Variants in VPS36 observed in about 807,000 individuals in gnomAD.
The protein encoded by VPS36 is vacuolar protein-sorting-associated protein 36.
Under a neutral mutation model 63.5 loss-of-function variants are expected in VPS36, and 31 were observed. The ratio of observed to expected loss-of-function variants is 0.49; its 90% CI spans 0.37 to 0.66. VPS36 has a LOEUF of 0.66. VPS36 is among the 30% of genes least tolerant of loss of function. VPS36 has a pLI of 0.00. For missense variants in VPS36, 338 were observed against 463.7 expected (o/e 0.73, Z 2.49); for synonymous variants, 138 against 157.2 (o/e 0.88, Z 0.91).
rs1958066274 is a variant in VPS36 at position 52,423,579 on chromosome 13, T to C, written c.835A>G (p.Met279Val). The change falls in exon 10 of 14, where the codon ATG becomes GTG. Residue 279 changes from methionine (M) to valine (V), a missense_variant. By Grantham distance (21) the Met-to-Val change is conservative (BLOSUM62 1). Transcript: ENST00000378060. ...VYCLVNRARG[M>V]ELLSPEDLVN... is the part of the protein sequence containing the mutation. ...TTTAAATTTTCTATCCTTACTTCCATTCCTCGAGCTCGGTTTACTAAGCAG... is the reference window on the plus strand; with the variant it reads ...TTTAAATTTTCTATCCTTACTTCCACTCCTCGAGCTCGGTTTACTAAGCAG... The C allele has an allele frequency of 6.2e-7, 1 of 1,611,858 alleles. No individual in the cohort carries two copies. Among genetic ancestry groups the C allele is most frequent in the South Asian group, 1.1e-5 (1 of 90,950 alleles).
intron 1 of VPS36, among the ~76,000 whole-genome samples, chr13:52,442,995 C>T (rs1958296687): frequency 6.6e-6 from 1 of 152,114 alleles, no homozygotes; most frequent in South Asian, 2.1e-4. Context: ...GTATAACACT[C>T]ATAACATTTT....
chr13:52,450,074 G>A (rs904410325), intron 1 of VPS36: 1 of 988,022 alleles, frequency 1.0e-6, no homozygotes, highest in Non-Finnish European at 1.2e-6. Flanking sequence ...AAGGCGAAAC[G>A]GGGCTGTCCG....
chr13:52,446,028 A>G (rs1958338805), intron 1 of VPS36, among the ~76,000 whole-genome samples: 1 of 150,366 alleles, frequency 6.7e-6, no homozygotes, highest in Non-Finnish European at 1.5e-5. Context: ...AGGCAGGCAG[A>G]TCAAGAGGTC....
At chr13:52,427,116 C>G in intron 7 of VPS36, 50 bp from the exon 8 acceptor site, 2 of 1,603,784 alleles carry the variant, frequency 1.2e-6, no homozygotes, top group South Asian at 1.1e-5. Flanking sequence ...CCCAAAATGT[C>G]TGCTAACAAA....
chr13:52,418,034 A>C lies in VPS36; in HGVS notation c.863T>G (p.Val288Gly). Residue 288 changes from valine (V) to glycine (G), a missense_variant, in exon 11 of 14, where the codon GTG becomes GGG. Transcript: ENST00000378060. ...TGCTTCCAGCATCTTGCACGCATTC[A>C]CTAAATCTTCTGGTGAGAGCAACTA... ...GMELLSPEDL[V>G]NACKMLEALK... 1 of 1,612,274 alleles carries C rather than the reference A, an allele frequency of 6.2e-7. No homozygotes were observed. The highest frequency in any genetic ancestry group is 8.5e-7 in the Non-Finnish European group (1 of 1,179,280).
At chr13:52,443,608 G>T (rs1278792657) in intron 1 of VPS36, among the ~76,000 whole-genome samples, 1 of 152,168 alleles carries the variant, frequency 6.6e-6, no homozygotes, top group African/African-American at 2.4e-5. Context: ...AGAAATAAAT[G>T]CCTGTTGTTT....
intron 1 of VPS36, 192 bp downstream of exon 1, chr13:52,450,307 C>T: frequency 4.3e-6 from 5 of 1,170,770 alleles, no homozygotes; most frequent in Non-Finnish European, 5.3e-6. Context: ...AGCCGAGCGC[C>T]CCACGCCACG....
At chr13:52,430,146 TC>T (rs1958140810) in intron 6 of VPS36, among the ~76,000 whole-genome samples, 1 of 151,972 alleles carries the variant, frequency 6.6e-6, no homozygotes, top group Non-Finnish European at 1.5e-5. Context: ...AGAAATAAAG[TC>T]TACACTAGAC....
intron 6 of VPS36, among the ~76,000 whole-genome samples, chr13:52,432,059 A>T (rs1249458388): frequency 6.6e-6 from 1 of 151,902 alleles, no homozygotes; most frequent in East Asian, 2.0e-4. Context: ...GTTAAAAAAA[A>T]CCTAATTAGT....
At chr13:52,441,998 A>G (rs1320473566) in intron 2 of VPS36, among the ~76,000 whole-genome samples, 1 of 152,210 alleles carries the variant, frequency 6.6e-6, no homozygotes, top group East Asian at 1.9e-4. Context: ...TAGTATTTAA[A>G]AAACATGATT....
intron 5 of VPS36, 95 bp from the exon 6 acceptor site, chr13:52,433,843 A>T (rs753038339): frequency 3.7e-6 from 4 of 1,079,562 alleles, no homozygotes; most frequent in Non-Finnish European, 5.4e-6. Context: ...ATGGCGGGAA[A>T]GGACCTACAA....
chr13:52,425,773 T>TA (rs972251989), intron 9 of VPS36, 159 bp downstream of exon 9: 8 of 663,476 alleles, frequency 1.2e-5, no homozygotes, highest in Non-Finnish European at 1.8e-5. Context: ...CAAAGAATAA[T>TA]AAGCACAATG....
At chr13:52,443,805 T>C (rs1324438435) in intron 1 of VPS36, among the ~76,000 whole-genome samples, 1 of 152,202 alleles carries the variant, frequency 6.6e-6, no homozygotes, top group Non-Finnish European at 1.5e-5. Context: ...TATTATGCCC[T>C]GAAAGTTACA....
chr13:52,434,877 G>C lies in VPS36; in HGVS notation c.357C>G (p.Tyr119Ter). ...SFKEHGQIEFYRRLSEEMTQR... is the reference protein window; with the variant it reads ...SFKEHGQIEF The stretch of plus-strand genomic sequence containing the variant: ...GTGTCATTTCCTCTGATAAACGCCT[G>C]TAAAACTGATACGCAAATAAATACA... The change falls in exon 5 of 14, where the codon TAC becomes TAG. Residue 119 changes from tyrosine (Y) to a stop codon, truncating the protein, a stop_gained. Transcript: ENST00000378060. LOFTEE classifies it high-confidence loss of function. 6.2e-7 allele frequency: 1 copy of C among 1,611,874 alleles called. No individual in the cohort carries two copies. Among genetic ancestry groups the C allele is most frequent in the Non-Finnish European group, 8.5e-7 (1 of 1,178,954 alleles).
At chr13:52,421,587 T>C (rs1159164687) in intron 10 of VPS36, among the ~76,000 whole-genome samples, 1 of 141,250 alleles carries the variant, frequency 7.1e-6, no homozygotes, top group Non-Finnish European at 1.5e-5. Flanking sequence ...AATGGCGCAA[T>C]CTCGGCTCAC....
rs753038339 is a variant in VPS36 at position 52,433,843 on chromosome 13, A to G, written c.442-95T>C. On this transcript the variant is annotated intron_variant, in intron 5 of 13. Coordinates refer to ENST00000378060, the MANE Select transcript of VPS36 (RefSeq NM_016075.4). ...CACATTGTGTTTTCAATGGCGGGAA[A>G]GGACCTACAAAGAACCAAAGAAAAA... 30 of 1,079,442 alleles carry G rather than the reference A, an allele frequency of 2.8e-5. No individual in the cohort carries two copies. In the Admixed American group the frequency reaches 6.9e-4, roughly 25 times the overall value. The allele number at this position is 1,079,442 out of a possible 1,614,324, so 66.9% of individuals were successfully genotyped here.
intron 3 of VPS36, among the ~76,000 whole-genome samples, chr13:52,436,679 A>G (rs143160362): frequency 1.1e-3 from 165 of 152,314 alleles, no homozygotes; most frequent in African/African-American, 3.8e-3. Flanking sequence ...AGGTCAAAAT[A>G]AATTTGCAAA....
chr13:52,436,348 A>C lies in VPS36; in HGVS notation c.293T>G (p.Phe98Cys). ...PAPPNKEPGP[F>C]QSSKNSYIKL... is the part of the protein sequence containing the mutation. The stretch of plus-strand genomic sequence containing the variant: ...GATGTAGGAGTTCTTACTACTCTGG[A>C]ATGGGCCAGGTTCTTTGTTAGGAGG... Residue 98 changes from phenylalanine (F) to cysteine (C), a missense_variant, in exon 4 of 14, where the codon TTC (phenylalanine) becomes TGC (cysteine). By Grantham distance (205) the Phe-to-Cys change is radical. Transcript: ENST00000378060. 1 of 1,613,376 alleles carries C rather than the reference A, an allele frequency of 6.2e-7. No individual in the cohort carries two copies. The highest frequency in any genetic ancestry group is 8.5e-7 in the Non-Finnish European group (1 of 1,179,826).
chr13:52,442,255 G>T, intron 2 of VPS36, 122 bp downstream of exon 2: 1 of 797,508 alleles, frequency 1.3e-6, no homozygotes, highest in Non-Finnish European at 1.8e-6. Context: ...GGAGGTTGAG[G>T]CCAGGAGAAT....
Sources: gnomAD v4.1 joint callset for allele counts (sites outside exome capture counted in the v4.1 genomes callset) on GRCh38, gnomAD v4.1.1 for gene constraint, MANE v1.5 for transcripts, NCBI Gene and HGNC (gene_info 2026-07-23, HGNC 2026-07-21) for gene names.